The following NSUN7 variants were observed in gnomAD, a reference collection of about 807,000 sequenced individuals.
The protein encoded by NSUN7 is NOP2/Sun RNA methyltransferase family member 7.
In NSUN7, 39 loss-of-function variants were observed where a neutral mutation model predicts 58.5. The ratio of observed to expected loss-of-function variants is 0.67; its 90% CI spans 0.52 to 0.87. The LOEUF is 0.87. NSUN7 is among the 40% of genes least tolerant of loss of function. The pLI is 0.00. For synonymous variants in NSUN7, 278 were observed against 303.7 expected (o/e 0.92, Z 0.88); for missense variants, 765 against 844.1 (o/e 0.91, Z 1.16).
chr4:40,774,985 C>T (rs531242880), intron 6 of NSUN7, 35 bp downstream of exon 6: 3 of 868,150 alleles, frequency 3.5e-6, no homozygotes, highest in Admixed American at 5.0e-5. Flanking sequence ...TGATTCTCAA[C>T]AATCCAACCT....
chr4:40,768,649 A>G lies in NSUN7; in HGVS notation c.489-5616A>G, dbSNP rs567498107. On this transcript the variant is annotated intron_variant, in intron 4 of 11. Transcript: ENST00000381782. Reference sequence around the variant, plus strand: ...CTTATACCCCTAAGCACCAACATGTATCTTTTTCTTCACTTATTCGTGGGT... The same window carrying G: ...CTTATACCCCTAAGCACCAACATGTGTCTTTTTCTTCACTTATTCGTGGGT... 3.3e-5 allele frequency among the ~76,000 whole-genome samples: 5 copies of G among 152,258 alleles called. No homozygotes were observed. In the South Asian group the frequency reaches 1.0e-3, roughly 32 times the overall value.
chr4:40,807,376 T>C (rs1464907914), intron 11 of NSUN7, among the ~76,000 whole-genome samples, 192 bp downstream of exon 11: 1 of 142,142 alleles, frequency 7.0e-6, no homozygotes, highest in East Asian at 2.0e-4. Context: ...TGAGACAGAG[T>C]CTTGCTCTGT....
At chr4:40,770,272 G>A (rs1308371330) in intron 4 of NSUN7, among the ~76,000 whole-genome samples, 1 of 150,880 alleles carries the variant, frequency 6.6e-6, no homozygotes, top group Non-Finnish European at 1.5e-5. Flanking sequence ...GATACATTCT[G>A]AGAAATGTGT....
chr4:40,794,952 G>A (rs1312970635), intron 9 of NSUN7, among the ~76,000 whole-genome samples: 11 of 152,152 alleles, frequency 7.2e-5, no homozygotes, highest in South Asian at 4.1e-4. Context: ...GTAACAAGGC[G>A]GCACTTTGAG....
At chr4:40,756,271 C>T (rs1741140270) in intron 2 of NSUN7, among the ~76,000 whole-genome samples, 1 of 152,130 alleles carries the variant, frequency 6.6e-6, no homozygotes, top group African/African-American at 2.4e-5. Context: ...TCTGATAAAC[C>T]CAATTTTTCT....
chr4:40,768,421 C>G (rs529945811), intron 4 of NSUN7, among the ~76,000 whole-genome samples: 1 of 152,032 alleles, frequency 6.6e-6, no homozygotes, highest in Non-Finnish European at 1.5e-5. Flanking sequence ...AACTCCTGAC[C>G]GCAGGTGATC....
Position 40,761,165 on chromosome 4 carries a change from T to G in NSUN7, c.358-6T>G. On this transcript the variant is annotated splice_polypyrimidine_tract_variant and splice_region_variant and intron_variant, in intron 3 of 11. Transcript: ENST00000381782. ...ACTTTTCTTTATATATGTTTTCCCTTGTTAGCCAGATCATTTGAGCAGTCT... is the reference window on the plus strand; with the variant it reads ...ACTTTTCTTTATATATGTTTTCCCTGGTTAGCCAGATCATTTGAGCAGTCT... 6.4e-7 allele frequency: 1 copy of G among 1,574,672 alleles called. No homozygotes were observed. Among genetic ancestry groups the G allele is most frequent in the Non-Finnish European group, 8.6e-7 (1 of 1,165,894 alleles).
intron 7 of NSUN7, among the ~76,000 whole-genome samples, chr4:40,785,923 G>A (rs190516287): frequency 2.0e-3 from 310 of 152,344 alleles, no homozygotes; most frequent in Non-Finnish European, 3.4e-3. Flanking sequence ...CCAGTCCTCC[G>A]CCATCGCCCA....
chr4:40,803,208 C>T (rs1177319750), intron 10 of NSUN7, among the ~76,000 whole-genome samples: 1 of 151,916 alleles, frequency 6.6e-6, no homozygotes, highest in Admixed American at 6.6e-5. Flanking sequence ...TGGGTTGGTT[C>T]CAAGTCTTTG....
Position 40,776,231 on chromosome 4 carries a change from G to A in NSUN7, c.1008G>A (p.Lys336=), listed in dbSNP as rs1033992712. Residue 336 remains lysine (K), a synonymous_variant, in exon 7 of 12, where the codon AAG becomes AAA. Transcript: ENST00000381782. ...CACAAGCTAAGGATCCTGACTTGAA[G>A]ACCCTTTTCACAAAAATAGGATGTA... ...VQSQAKDPDL[K]TLFTKIGCKN... 1 of 1,605,972 alleles carries A rather than the reference G, an allele frequency of 6.2e-7. No homozygotes were observed. Among genetic ancestry groups the A allele is most frequent in the African/African-American group, 1.3e-5 (1 of 74,718 alleles).
intron 9 of NSUN7, among the ~76,000 whole-genome samples, chr4:40,794,864 T>C (rs1394196529): frequency 6.6e-6 from 1 of 152,196 alleles, no homozygotes; most frequent in African/African-American, 2.4e-5. Context: ...AGTCAAACTC[T>C]TATTTCTCTT....
chr4:40,804,920 A>C (rs1248477726), intron 10 of NSUN7, among the ~76,000 whole-genome samples: 1 of 151,848 alleles, frequency 6.6e-6, no homozygotes, highest in African/African-American at 2.4e-5. Context: ...CCACCACCAA[A>C]CCTCTCAGTG....
chr4:40,774,225 C>T (rs756984308), intron 4 of NSUN7, 40 bp from the exon 5 acceptor site: 6 of 1,584,712 alleles, frequency 3.8e-6, no homozygotes, highest in Non-Finnish European at 4.3e-6. Context: ...ATAGTCTTGT[C>T]TCAAATGCAA....
At chr4:40,784,724 G>C (rs899987581) in intron 7 of NSUN7, among the ~76,000 whole-genome samples, 1 of 152,164 alleles carries the variant, frequency 6.6e-6, no homozygotes, top group African/African-American at 2.4e-5. Flanking sequence ...TACACAACTT[G>C]GTGAATGTAC....
At chr4:40,797,820 C>T (rs1743388672) in intron 9 of NSUN7, among the ~76,000 whole-genome samples, 1 of 152,158 alleles carries the variant, frequency 6.6e-6, no homozygotes, top group East Asian at 1.9e-4. Context: ...CCCACAAGTC[C>T]CTGTACTATC....
chr4:40,794,932 T>G (rs867573607), intron 9 of NSUN7, among the ~76,000 whole-genome samples: 2 of 152,326 alleles, frequency 1.3e-5, no homozygotes, highest in Middle Eastern at 6.8e-3. Context: ...TCTCTTGATT[T>G]GAAGTTTGAG....
chr4:40,786,412 G>A lies in NSUN7; in HGVS notation c.1037-4190G>A, dbSNP rs181758616. On this transcript the variant is annotated intron_variant, in intron 7 of 11. Transcript: ENST00000381782. Reference sequence around the variant, plus strand: ...CACAGATGGCATTGTGTTTGTTGTGGACTCTGTTGATGTCGAAAGGATGGA... The same window carrying A: ...CACAGATGGCATTGTGTTTGTTGTGAACTCTGTTGATGTCGAAAGGATGGA... 6.8e-6 allele frequency: 11 copies of A among 1,612,006 alleles called. No homozygotes were observed. In the African/African-American group the frequency reaches 1.5e-4, roughly 21 times the overall value.
intron 9 of NSUN7, among the ~76,000 whole-genome samples, chr4:40,795,703 CAG>C (rs1260340831): frequency 1.3e-5 from 2 of 152,138 alleles, no homozygotes; most frequent in African/African-American, 2.4e-5. Context: ...GGTGTGTAAT[CAG>C]GGGTTTGACT....
At chr4:40,750,545 C>A in intron 1 of NSUN7, 58 bp from the exon 2 acceptor site, 1 of 888,860 alleles carries the variant, frequency 1.1e-6, no homozygotes. Flanking sequence ...CGAAGGGGGC[C>A]ACCCACAGGG....
Sources: gnomAD v4.1 joint callset for allele counts (sites outside exome capture counted in the v4.1 genomes callset) on GRCh38, gnomAD v4.1.1 for gene constraint, MANE v1.5 for transcripts, NCBI Gene and HGNC (gene_info 2026-07-23, HGNC 2026-07-21) for gene names.